ADGRF5: variants seen among roughly 807,000 people sequenced by gnomAD.
ADGRF5 encodes the protein G-protein coupled receptor 116.
A neutral mutation model predicts 132.3 loss-of-function variants in ADGRF5; 75 were observed. The ratio of observed to expected loss-of-function variants is 0.57; its 90% CI spans 0.47 to 0.69. The LOEUF (loss-of-function observed/expected upper bound fraction) is 0.69, where lower values mean the gene tolerates loss of function less well. Ranked by LOEUF, ADGRF5 falls within the 30% of genes least tolerant of loss-of-function variation. The pLI, the probability that ADGRF5 is intolerant of heterozygous loss-of-function variation, is 0.00. For synonymous variants in ADGRF5, 629 were observed against 597.6 expected, an observed-to-expected ratio of 1.05 and a Z score of -0.77; for missense variants, 1,516 against 1,630.6, an observed-to-expected ratio of 0.93 and a Z score of 1.21.
At chr6:46,935,278 C>T (rs1197293426) in intron 1 of ADGRF5, among the ~76,000 whole-genome samples, 3 of 152,244 alleles carry the variant, frequency 2.0e-5, no homozygotes, top group Non-Finnish European at 2.9e-5. Flanking sequence ...GCTGAGATTA[C>T]AGACGTGAGC....
At chr6:46,876,827 A>G (rs1219647041) in intron 10 of ADGRF5, among the ~76,000 whole-genome samples, 1 of 152,130 alleles carries the variant, frequency 6.6e-6, no homozygotes, top group Non-Finnish European at 1.5e-5. Flanking sequence ...CTCGTCTCCA[A>G]TGCTCAACCT....
At chr6:46,922,328 G>C (rs987095961), upstream of ADGRF5, among the ~76,000 whole-genome samples, 1 of 152,176 alleles carries the variant, frequency 6.6e-6, no homozygotes, top group African/African-American at 2.4e-5. Context: ...ATCCGCAGAA[G>C]AGAAGAGACC....
intron 1 of ADGRF5, among the ~76,000 whole-genome samples, chr6:46,930,248 G>C (rs952434647): frequency 2.0e-5 from 3 of 152,212 alleles, no homozygotes; most frequent in African/African-American, 7.2e-5. Context: ...GGTGACATCA[G>C]AAGTATAAAC....
chr6:46,926,479 G>A (rs1485258737), upstream of ADGRF5, among the ~76,000 whole-genome samples: 1 of 19,680 alleles, frequency 5.1e-5, no homozygotes, highest in African/African-American at 7.2e-4. Context: ...AGCATCTCGG[G>A]TGAGGGGGGG....
At chr6:46,869,506 A>G (rs1770818859) in intron 11 of ADGRF5, 3 of 341,056 alleles carry the variant, frequency 8.8e-6, no homozygotes, top group South Asian at 2.3e-4. Context: ...CTCTTTTAAA[A>G]TACTTTTTAA....
rs143594326 is a variant in ADGRF5 at position 46,896,841 on chromosome 6, CTTT to C, written c.157+3185_157+3187del. ...TTTGTCTATACCGAACATGTACAGC[CTTT>C]TTTTCATGTCACTATGACTTAAAAA... On this transcript the variant is annotated intron_variant, in intron 3 of 20. Transcript: ENST00000283296. 3.3e-3 allele frequency among the ~76,000 whole-genome samples: 497 copies of C among 151,930 alleles called. 1 individual carries two copies. Among genetic ancestry groups the C allele is most frequent in the African/African-American group, 0.011 (471 of 41,442 alleles).
chr6:46,953,659 A>ATATATATATATATATAGATATATG (rs1778598020), intron 1 of ADGRF5, among the ~76,000 whole-genome samples: 5 of 73,674 alleles, frequency 6.8e-5, no homozygotes, highest in Non-Finnish European at 1.5e-4. Context: ...GTGTATATAT[A>ATATATATATATATATAGATATATG]TATATATATA....
At chr6:46,889,044 TAA>T (rs1223965781) in intron 3 of ADGRF5, among the ~76,000 whole-genome samples, 1 of 151,930 alleles carries the variant, frequency 6.6e-6, no homozygotes, top group Non-Finnish European at 1.5e-5. Flanking sequence ...GATAGTAAAA[TAA>T]AAGAGATTTT....
chr6:46,914,851 T>G (rs1254419555), intron 1 of ADGRF5, among the ~76,000 whole-genome samples: 1 of 151,938 alleles, frequency 6.6e-6, no homozygotes, highest in Non-Finnish European at 1.5e-5. Context: ...TGTTTTTATT[T>G]TTTTTGTTTG....
At chr6:46,872,399 G>A (rs1209994123) in intron 10 of ADGRF5, among the ~76,000 whole-genome samples, 1 of 151,990 alleles carries the variant, frequency 6.6e-6, no homozygotes, top group African/African-American at 2.4e-5. Flanking sequence ...CATGAGCGAT[G>A]GTTTTTTGAA....
At chr6:46,894,090 G>A (rs570008516) in intron 3 of ADGRF5, among the ~76,000 whole-genome samples, 2 of 152,302 alleles carry the variant, frequency 1.3e-5, no homozygotes, top group East Asian at 1.9e-4. Flanking sequence ...AGATTGGTTG[G>A]TTTGGCTTCC....
chr6:46,856,394 C>T (rs1417613237), intron 19 of ADGRF5, among the ~76,000 whole-genome samples: 1 of 152,120 alleles, frequency 6.6e-6, no homozygotes, highest in Non-Finnish European at 1.5e-5. Flanking sequence ...CCTTGAATCC[C>T]CCCAGAAGAT....
chr6:46,875,353 G>C (rs1261117336), intron 10 of ADGRF5, among the ~76,000 whole-genome samples: 1 of 152,154 alleles, frequency 6.6e-6, no homozygotes, highest in African/African-American at 2.4e-5. Context: ...AGAAGAGAAG[G>C]TATGCAATTA....
intron 4 of ADGRF5, among the ~76,000 whole-genome samples, chr6:46,884,788 G>T (rs1258992225): frequency 6.6e-6 from 1 of 152,202 alleles, no homozygotes; most frequent in Non-Finnish European, 1.5e-5. Flanking sequence ...TCTGGGGGAA[G>T]TTGACTGCCA....
At chr6:46,882,194 T>C in intron 6 of ADGRF5, 87 bp from the exon 7 acceptor site, 1 of 875,584 alleles carries the variant, frequency 1.1e-6, no homozygotes, top group Non-Finnish European at 2.0e-6. Flanking sequence ...AAACCACATA[T>C]TCCTAATCAC....
intron 9 of ADGRF5, among the ~76,000 whole-genome samples, 169 bp from the exon 10 acceptor site, chr6:46,878,574 G>A (rs890560658): frequency 1.3e-5 from 2 of 152,144 alleles, no homozygotes; most frequent in African/African-American, 4.8e-5. Context: ...TTCAGGAAGT[G>A]CAGATATTTC....
intron 1 of ADGRF5, among the ~76,000 whole-genome samples, chr6:46,953,218 G>A (rs1245565206): frequency 1.3e-5 from 2 of 152,134 alleles, no homozygotes; most frequent in South Asian, 4.1e-4. Flanking sequence ...AATCTGGGGA[G>A]GGAATAAAGA....
chr6:46,853,976 T>C lies in ADGRF5; in HGVS notation c.*16A>G. On this transcript the variant is annotated 3_prime_UTR_variant, in exon 21 of 21. Coordinates refer to ENST00000283296, the MANE Select transcript of ADGRF5 (RefSeq NM_001098518.2). ...CACTGTCCCCGGGAGGTCACGTAGGTTGGATTATCCTGTTCTTAGTTGAGC... is the reference window on the plus strand; with the variant it reads ...CACTGTCCCCGGGAGGTCACGTAGGCTGGATTATCCTGTTCTTAGTTGAGC... 1 of 1,571,274 alleles carries C rather than the reference T, an allele frequency of 6.4e-7. No individual in the cohort carries two copies. Among genetic ancestry groups the C allele is most frequent in the Non-Finnish European group, 8.7e-7 (1 of 1,150,470 alleles).
intron 4 of ADGRF5, among the ~76,000 whole-genome samples, chr6:46,884,509 C>T (rs774748297): frequency 4.6e-5 from 7 of 152,192 alleles, no homozygotes; most frequent in Non-Finnish European, 8.8e-5. Flanking sequence ...ATGGCTAAGT[C>T]ATCTTTTAGA....
Sources: gnomAD v4.1 joint callset for allele counts (sites outside exome capture counted in the v4.1 genomes callset) on GRCh38, gnomAD v4.1.1 for gene constraint, MANE v1.5 for transcripts, NCBI Gene and HGNC (gene_info 2026-07-23, HGNC 2026-07-21) for gene names.